The following DOCK2 variants were observed in gnomAD, a reference collection of about 807,000 sequenced individuals.
The protein encoded by DOCK2 is dedicator of cytokinesis 2.
A neutral mutation model predicts 248.9 loss-of-function variants in DOCK2; 87 were observed. The ratio of observed to expected loss-of-function variants is 0.35; its 90% CI spans 0.29 to 0.42. DOCK2 has a LOEUF of 0.42. DOCK2 is among the 10% of genes least tolerant of loss of function. The pLI, the probability that DOCK2 is intolerant of heterozygous loss-of-function variation, is 1.00. For synonymous variants in DOCK2, 805 were observed against 821.6 expected (o/e 0.98, Z 0.35); for missense variants, 1,747 against 2,300.2 (o/e 0.76, Z 4.92).
At chr5:169,916,119 G>T (rs1234290562) in intron 27 of DOCK2, among the ~76,000 whole-genome samples, 1 of 152,206 alleles carries the variant, frequency 6.6e-6, no homozygotes, top group Non-Finnish European at 1.5e-5. Context: ...CTAGATTTGA[G>T]GTCTTCCTGA....
In DOCK2 at chr5:170,034,435, C is replaced by A. The variant is rs200201722; in HGVS notation, c.3504C>A (p.Ala1168=). The A allele has an allele frequency of 2.5e-6, 4 of 1,614,186 alleles. No homozygotes were observed. The Admixed American group carries it at 6.7e-5, about 27-fold the overall frequency. ...GTGCTGCAGAGCACCCAACCATTGC[C>A]AAGTCGGTGGAGAACTTCGTGAACC... The part of the protein sequence containing the change: ...MECAAEHPTI[A]KSVENFVNLV... The change falls in exon 35 of 52, where the codon GCC becomes GCA. Residue 1168 remains alanine (A), a synonymous_variant. Coordinates refer to ENST00000520908, the MANE Select transcript of DOCK2 (RefSeq NM_004946.3).
intron 27 of DOCK2, among the ~76,000 whole-genome samples, chr5:169,909,810 C>T (rs1222199047): frequency 6.6e-6 from 1 of 152,164 alleles, no homozygotes; most frequent in Non-Finnish European, 1.5e-5. Flanking sequence ...AGATTTGGAA[C>T]TTCTAGAATG....
chr5:169,951,835 G>A (rs1776678978), intron 27 of DOCK2, among the ~76,000 whole-genome samples: 1 of 152,164 alleles, frequency 6.6e-6, no homozygotes, highest in Non-Finnish European at 1.5e-5. Context: ...ACAAAACTGA[G>A]AAGCTGAAAA....
intron 22 of DOCK2, among the ~76,000 whole-genome samples, chr5:169,725,101 T>C (rs1762404477): frequency 6.6e-6 from 1 of 152,246 alleles, no homozygotes; most frequent in South Asian, 2.1e-4. Flanking sequence ...GCCTGTGACA[T>C]TGAGATTCCT....
intron 25 of DOCK2, among the ~76,000 whole-genome samples, chr5:169,776,272 C>T (rs1765381531): frequency 6.6e-6 from 1 of 151,556 alleles, no homozygotes. Context: ...AAGCAATCTT[C>T]CCACCTCAGC....
chr5:169,922,068 C>T (rs1047837973), intron 27 of DOCK2, among the ~76,000 whole-genome samples: 10 of 152,170 alleles, frequency 6.6e-5, no homozygotes, highest in Non-Finnish European at 4.4e-5. Context: ...CTATTCTGCT[C>T]ATTTCCTTTT....
intron 9 of DOCK2, 43 bp from the exon 10 acceptor site, chr5:169,695,760 C>T: frequency 1.2e-6 from 2 of 1,604,098 alleles, no homozygotes; most frequent in Middle Eastern, 1.7e-4. Context: ...TTTTTTCCCC[C>T]ATTCAGCACA....
chr5:170,056,555 A>AT, intron 42 of DOCK2, 129 bp from the exon 43 acceptor site: 4 of 664,392 alleles, frequency 6.0e-6, no homozygotes, highest in Non-Finnish European at 1.0e-5. Flanking sequence ...TTGATTTTAA[A>AT]TGCACCACAA....
chr5:169,961,977 C>A (rs78805204), intron 27 of DOCK2, among the ~76,000 whole-genome samples: 1 of 104,060 alleles, frequency 9.6e-6, no homozygotes, highest in African/African-American at 4.3e-5. Context: ...AGACTCTGTC[C>A]CAAAAAAAAA....
At chr5:169,783,149 T>A (rs941769097) in intron 25 of DOCK2, among the ~76,000 whole-genome samples, 4 of 152,246 alleles carry the variant, frequency 2.6e-5, no homozygotes, top group Non-Finnish European at 5.9e-5. Flanking sequence ...AAAGTCATTC[T>A]TGTAGTTTAA....
intron 39 of DOCK2, 134 bp downstream of exon 39, chr5:170,046,039 CT>C: frequency 1.3e-6 from 1 of 756,060 alleles, no homozygotes; most frequent in East Asian, 2.6e-5. Context: ...GAAGTAGGAC[CT>C]GAGAGAGGCT....
chr5:170,019,173 T>C (rs1755638199), intron 33 of DOCK2, 65 bp downstream of exon 33: 1 of 1,607,388 alleles, frequency 6.2e-7, no homozygotes, highest in Non-Finnish European at 8.5e-7. Context: ...CCCATAATGA[T>C]ATCCTCATTC....
At chr5:169,885,498 G>A (rs955010727) in intron 27 of DOCK2, among the ~76,000 whole-genome samples, 1 of 152,142 alleles carries the variant, frequency 6.6e-6, no homozygotes, top group African/African-American at 2.4e-5. Flanking sequence ...ATTTATTTAA[G>A]GACAAAATTC....
In DOCK2 at chr5:169,702,369, C is replaced by T. The variant is rs1410380648; in HGVS notation, c.1325C>T (p.Thr442Ile). 4 of 1,614,002 alleles carry T rather than the reference C, an allele frequency of 2.5e-6. No homozygotes were observed. Among genetic ancestry groups the T allele is most frequent in the Non-Finnish European group, 2.5e-6 (3 of 1,179,924 alleles). ...GACTTTGACAAGTACAACAAGACCA[C>T]ACAGAGGAATGTGGAAGTCATCATG... ...QGDFDKYNKTTQRNVEVIMCV... is the reference protein window; with the variant it reads ...QGDFDKYNKTIQRNVEVIMCV... The change falls in exon 14 of 52, where the codon ACA becomes ATA. Residue 442 changes from threonine to isoleucine, a missense_variant. Transcript: ENST00000520908.
At chr5:169,714,540 A>G (rs1376033557) in intron 19 of DOCK2, 83 bp downstream of exon 19, 28 of 1,443,930 alleles carry the variant, frequency 1.9e-5, no homozygotes, top group Non-Finnish European at 1.2e-5. Context: ...AAAACAAGGT[A>G]TTGAAGGACA....
At chr5:169,844,696 A>G (rs769694227) in intron 27 of DOCK2, among the ~76,000 whole-genome samples, 7 of 149,528 alleles carry the variant, frequency 4.7e-5, no homozygotes, top group South Asian at 2.1e-4. Context: ...CCTTTCCCCA[A>G]TGATGAATGA....
At chr5:169,888,642 G>A (rs1254626605) in intron 27 of DOCK2, among the ~76,000 whole-genome samples, 1 of 152,188 alleles carries the variant, frequency 6.6e-6, no homozygotes, top group Non-Finnish European at 1.5e-5. Flanking sequence ...TAAGTGCATA[G>A]GCTTTTGCTT....
Position 169,686,450 on chromosome 5 carries a change from G to A in DOCK2, c.761+2100G>A, listed in dbSNP as rs185055259. On this transcript the variant is annotated intron_variant, in intron 8 of 51. Coordinates refer to ENST00000520908, the MANE Select transcript of DOCK2 (RefSeq NM_004946.3). ...TGACATCTCTGAGAGTGCTGGAGAC[G>A]AGGGCCAGCCCAGGGAGAGTGGGGA... is the stretch of plus-strand genomic sequence containing the variant. Among the ~76,000 whole-genome samples, 57 of 152,288 alleles carry A rather than the reference G, an allele frequency of 3.7e-4. 1 individual carries two copies. In the East Asian group the frequency reaches 4.2e-3, roughly 11 times the overall value.
chr5:169,773,876 A>G (rs896032929), intron 25 of DOCK2, among the ~76,000 whole-genome samples: 1 of 152,148 alleles, frequency 6.6e-6, no homozygotes, highest in South Asian at 2.1e-4. Flanking sequence ...TGATGGTTTT[A>G]TAAGGGGAAA....
Sources: allele counts gnomAD v4.1 joint callset (sites outside exome capture counted in the v4.1 genomes callset), GRCh38; gene constraint gnomAD v4.1.1; transcripts MANE v1.5; gene names NCBI Gene and HGNC (gene_info 2026-07-23, HGNC 2026-07-21).